The following ROBO2 variants were observed in gnomAD, a reference collection of about 807,000 sequenced individuals.
The protein encoded by ROBO2 is roundabout guidance receptor 2.
ROBO2 carries 53 observed loss-of-function variants against 160.8 expected under a neutral mutation model. That is an observed-to-expected ratio of 0.33 (90% CI 0.26 to 0.41). ROBO2 has a LOEUF of 0.41. Ranked by LOEUF, ROBO2 falls within the 10% of genes least tolerant of loss-of-function variation. ROBO2 has a pLI of 1.00. For missense variants in ROBO2, 1,577 were observed against 1,722.4 expected (o/e 0.92, Z 1.49); for synonymous variants, 664 against 611.7 (o/e 1.09, Z -1.26).
chr3:75,913,058 GTT>G (rs1432632310), intron 1 of ROBO2, among the ~76,000 whole-genome samples: 1 of 152,166 alleles, frequency 6.6e-6, no homozygotes, highest in Non-Finnish European at 1.5e-5. Flanking sequence ...TGCAGTGTTG[GTT>G]CCTTCTGGAG....
intron 2 of ROBO2, among the ~76,000 whole-genome samples, chr3:76,247,142 A>G (rs1399261401): frequency 2.0e-5 from 3 of 152,162 alleles, no homozygotes; most frequent in Non-Finnish European, 4.4e-5. Context: ...TCTTCAAGAC[A>G]TTTGGAATCA....
intron 2 of ROBO2, among the ~76,000 whole-genome samples, chr3:76,945,577 G>T (rs149331258): frequency 1.5e-3 from 226 of 152,242 alleles, no homozygotes; most frequent in African/African-American, 5.1e-3. Flanking sequence ...GGTGTATCAG[G>T]GTGTATCAGT....
At chr3:77,290,049 C>A (rs1409451829) in intron 2 of ROBO2, among the ~76,000 whole-genome samples, 3 of 150,340 alleles carry the variant, frequency 2.0e-5, no homozygotes, top group Admixed American at 2.0e-4. Context: ...AATGGGTAAG[C>A]TGAGGCTAGA....
intron 2 of ROBO2, among the ~76,000 whole-genome samples, chr3:77,305,974 A>G (rs1048282280): frequency 1.3e-5 from 2 of 152,176 alleles, no homozygotes; most frequent in African/African-American, 4.8e-5. Flanking sequence ...TTATTGTTAT[A>G]TAAACAAAAA....
intron 2 of ROBO2, among the ~76,000 whole-genome samples, chr3:76,472,494 T>A (rs2078718446): frequency 6.6e-6 from 1 of 152,110 alleles, no homozygotes; most frequent in Non-Finnish European, 1.5e-5. Context: ...CATTAATAAA[T>A]AACAATTGGA....
At chr3:76,798,782 A>G (rs1015800003) in intron 2 of ROBO2, among the ~76,000 whole-genome samples, 1 of 152,050 alleles carries the variant, frequency 6.6e-6, no homozygotes, top group Non-Finnish European at 1.5e-5. Flanking sequence ...AGTCCCAGCT[A>G]CTCAGCAGGC....
At position 76,561,278 on chromosome 3, in the gene ROBO2, A is replaced by C. The variant is rs1044566947; in HGVS notation, c.110-536736A>C. Among the ~76,000 whole-genome samples the C allele has an allele frequency of 2.0e-5, 3 of 151,830 alleles. No homozygotes were observed. In the East Asian group the frequency reaches 5.9e-4, roughly 30 times the overall value. On this transcript the variant is annotated intron_variant, in intron 2 of 26. Transcript: ENST00000487694. ...ACTCAATGAGAAATTAAATTTACTT[A>C]AAGAGAGGACGAGAGGAGGAAGCAG...
At chr3:77,322,807 ATT>A (rs1491426607) in intron 2 of ROBO2, among the ~76,000 whole-genome samples, 1 of 132,066 alleles carries the variant, frequency 7.6e-6, no homozygotes, top group African/African-American at 2.8e-5. Flanking sequence ...AATATATTAT[ATT>A]ATACATATGT....
intron 2 of ROBO2, among the ~76,000 whole-genome samples, chr3:76,300,637 T>A (rs1270527556): frequency 1.3e-5 from 2 of 151,840 alleles, no homozygotes; most frequent in Non-Finnish European, 1.5e-5. Flanking sequence ...TATATATATA[T>A]AAATATAGCA....
At chr3:76,414,016 T>A (rs562023951) in intron 2 of ROBO2, among the ~76,000 whole-genome samples, 24 of 152,268 alleles carry the variant, frequency 1.6e-4, no homozygotes, top group African/African-American at 5.8e-4. Flanking sequence ...AGGCACTTCT[T>A]ACCTGGTGGC....
intron 2 of ROBO2, among the ~76,000 whole-genome samples, chr3:76,485,742 A>G (rs941826681): frequency 6.6e-6 from 1 of 152,108 alleles, no homozygotes. Flanking sequence ...TACATACAAA[A>G]TTTTGCTTTT....
chr3:76,574,234 T>A (rs2085144861), intron 2 of ROBO2, among the ~76,000 whole-genome samples: 1 of 152,068 alleles, frequency 6.6e-6, no homozygotes, highest in African/African-American at 2.4e-5. Context: ...TGAATGAGTA[T>A]AACAAAATCA....
intron 2 of ROBO2, among the ~76,000 whole-genome samples, chr3:77,246,654 G>A (rs1201838494): frequency 6.6e-6 from 1 of 152,154 alleles, no homozygotes; most frequent in Non-Finnish European, 1.5e-5. Flanking sequence ...GCATTTTGAA[G>A]TGTCGGCACG....
chr3:77,011,089 TTCTTTCTA>T (rs1342248810), intron 2 of ROBO2, among the ~76,000 whole-genome samples: 1 of 91,114 alleles, frequency 1.1e-5, no homozygotes, highest in African/African-American at 3.6e-5. Context: ...TTCTTTCTTT[TTCTTTCTA>T]TCTTTCTTCT....
chr3:76,960,679 T>C (rs1356044509), intron 2 of ROBO2, among the ~76,000 whole-genome samples: 1 of 152,148 alleles, frequency 6.6e-6, no homozygotes, highest in East Asian at 1.9e-4. Flanking sequence ...AATGTGTGAA[T>C]AGCTCTCTAA....
At chr3:76,428,409 A>C (rs1461888522) in intron 2 of ROBO2, among the ~76,000 whole-genome samples, 1 of 152,218 alleles carries the variant, frequency 6.6e-6, no homozygotes, top group Non-Finnish European at 1.5e-5. Context: ...TAAGAATTCT[A>C]TATGAAAGAT....
At chr3:77,292,373 C>T (rs2061404081) in intron 2 of ROBO2, among the ~76,000 whole-genome samples, 1 of 151,502 alleles carries the variant, frequency 6.6e-6, no homozygotes, top group African/African-American at 2.4e-5. Flanking sequence ...AATGGGTAAG[C>T]TGAGGCTAGA....
chr3:76,640,926 A>C (rs1284035823), intron 2 of ROBO2, among the ~76,000 whole-genome samples: 3 of 152,228 alleles, frequency 2.0e-5, no homozygotes, highest in African/African-American at 7.2e-5. Flanking sequence ...GGCAAAATGA[A>C]TACTACTGCT....
intron 2 of ROBO2, among the ~76,000 whole-genome samples, chr3:77,228,742 A>T (rs1478555057): frequency 1.3e-5 from 2 of 152,160 alleles, no homozygotes; most frequent in African/African-American, 2.4e-5. Flanking sequence ...ATAATAATAA[A>T]AAAAAAACTT....
Sources: allele counts gnomAD v4.1 joint callset (sites outside exome capture counted in the v4.1 genomes callset), GRCh38; gene constraint gnomAD v4.1.1; transcripts MANE v1.5; gene names NCBI Gene and HGNC (gene_info 2026-07-23, HGNC 2026-07-21).